Variants in AGBL1 observed in about 807,000 individuals in gnomAD.
AGBL1 encodes cytosolic carboxypeptidase 4.
Under a neutral mutation model 118.9 loss-of-function variants are expected in AGBL1, and 130 were observed. That is an observed-to-expected ratio of 1.09 (90% CI 0.95 to 1.26). The LOEUF is 1.26. AGBL1 is among the 50% of genes most tolerant of loss of function. The pLI is 0.00. For synonymous variants in AGBL1, 555 were observed against 478.9 expected, an observed-to-expected ratio of 1.16 and a Z score of -2.08; for missense variants, 1,584 against 1,298.1, an observed-to-expected ratio of 1.22 and a Z score of -3.38.
chr15:86,812,445 A>G (rs1484215395), intron 22 of AGBL1, among the ~76,000 whole-genome samples: 1 of 152,226 alleles, frequency 6.6e-6, no homozygotes, highest in Non-Finnish European at 1.5e-5. Flanking sequence ...AAATTCACCT[A>G]TGGAGTTCTT....
chr15:86,275,983 C>G (rs1187839001), intron 15 of AGBL1, among the ~76,000 whole-genome samples: 1 of 152,118 alleles, frequency 6.6e-6, no homozygotes, highest in Non-Finnish European at 1.5e-5. Flanking sequence ...GATAAAATAA[C>G]ATGAGATAAA....
At chr15:86,550,810 C>G (rs2083653958) in intron 20 of AGBL1, among the ~76,000 whole-genome samples, 1 of 151,848 alleles carries the variant, frequency 6.6e-6, no homozygotes, top group Non-Finnish European at 1.5e-5. Context: ...CAAAATTTCT[C>G]CAGCATAGAT....
intron 22 of AGBL1, among the ~76,000 whole-genome samples, chr15:86,750,085 G>C (rs1023645176): frequency 6.6e-6 from 1 of 152,034 alleles, no homozygotes; most frequent in Non-Finnish European, 1.5e-5. Context: ...AGAAGGAATG[G>C]TACCAGCTCC....
intron 6 of AGBL1, among the ~76,000 whole-genome samples, chr15:86,243,096 T>C (rs2078664884): frequency 6.6e-6 from 1 of 152,240 alleles, no homozygotes; most frequent in African/African-American, 2.4e-5. Flanking sequence ...GACAACACTG[T>C]GTGGCTAATA....
At chr15:86,958,844 G>A (rs933862958) in intron 23 of AGBL1, among the ~76,000 whole-genome samples, 3 of 152,114 alleles carry the variant, frequency 2.0e-5, no homozygotes, top group South Asian at 4.1e-4. Flanking sequence ...GACACTATGT[G>A]TCTGTTAAAA....
At chr15:86,404,314 T>A (rs1015077313) in intron 18 of AGBL1, among the ~76,000 whole-genome samples, 1 of 152,198 alleles carries the variant, frequency 6.6e-6, no homozygotes. Flanking sequence ...TAGAGAATGC[T>A]GTGTCCTTCC....
intron 1 of AGBL1, among the ~76,000 whole-genome samples, chr15:86,082,962 C>A (rs1266892868): frequency 1.3e-5 from 2 of 152,210 alleles, no homozygotes; most frequent in African/African-American, 2.4e-5. Context: ...CCTCTCTGAG[C>A]CTCCATTTAT....
intron 5 of AGBL1, among the ~76,000 whole-genome samples, chr15:86,184,072 G>A (rs1223479771): frequency 6.6e-6 from 1 of 152,148 alleles, no homozygotes; most frequent in South Asian, 2.1e-4. Context: ...GAGATAAAGT[G>A]TTATAATGTC....
intron 21 of AGBL1, among the ~76,000 whole-genome samples, chr15:86,566,520 A>G (rs139177031): frequency 1.7e-3 from 254 of 152,122 alleles, no homozygotes; most frequent in African/African-American, 5.7e-3. Context: ...TCAGTGAAAC[A>G]GCCAATTTTT....
intron 1 of AGBL1, among the ~76,000 whole-genome samples, chr15:86,102,904 T>C (rs1431354949): frequency 6.6e-6 from 1 of 152,016 alleles, no homozygotes; most frequent in Non-Finnish European, 1.5e-5. Context: ...TTTCTATTTT[T>C]CTATTGTCTT....
intron 17 of AGBL1, among the ~76,000 whole-genome samples, chr15:86,313,741 C>A (rs2079955651): frequency 6.6e-6 from 1 of 152,164 alleles, no homozygotes; most frequent in African/African-American, 2.4e-5. Flanking sequence ...GTTCATAGCA[C>A]CTGCTGCCAC....
At chr15:86,779,183 A>G (rs1486412131) in intron 22 of AGBL1, among the ~76,000 whole-genome samples, 1 of 152,174 alleles carries the variant, frequency 6.6e-6, no homozygotes, top group Non-Finnish European at 1.5e-5. Flanking sequence ...CCTCTTAAAA[A>G]TGTGATATGA....
intron 3 of AGBL1, among the ~76,000 whole-genome samples, chr15:86,151,182 G>C (rs1335570730): frequency 1.3e-5 from 2 of 151,982 alleles, no homozygotes; most frequent in Non-Finnish European, 2.9e-5. Flanking sequence ...GATAGCATTG[G>C]GAGATATACC....
At chr15:86,924,351 C>A (rs112535367) in intron 23 of AGBL1, among the ~76,000 whole-genome samples, 1 of 152,214 alleles carries the variant, frequency 6.6e-6, no homozygotes, top group Non-Finnish European at 1.5e-5. Context: ...GTAATCTTAG[C>A]AGAATGCTTT....
chr15:86,970,149 C>T (rs541606977), intron 23 of AGBL1, among the ~76,000 whole-genome samples: 24 of 151,940 alleles, frequency 1.6e-4, no homozygotes, highest in Non-Finnish European at 3.1e-4. Flanking sequence ...GAGCCCAGGC[C>T]AAGGCAGCAT....
intron 22 of AGBL1, among the ~76,000 whole-genome samples, chr15:86,685,032 A>C (rs2086029210): frequency 6.6e-6 from 1 of 152,214 alleles, no homozygotes; most frequent in African/African-American, 2.4e-5. Context: ...AAGCAATGAG[A>C]AAAAGATGGG....
intron 23 of AGBL1, among the ~76,000 whole-genome samples, chr15:86,965,522 T>G (rs2081041585): frequency 6.6e-6 from 1 of 152,114 alleles, no homozygotes; most frequent in East Asian, 1.9e-4. Flanking sequence ...TTATAGATTC[T>G]GGATATTAGC....
chr15:86,980,052 C>G (rs1215178843), intron 23 of AGBL1, among the ~76,000 whole-genome samples: 1 of 152,178 alleles, frequency 6.6e-6, no homozygotes, highest in African/African-American at 2.4e-5. Context: ...GGATTGAAAT[C>G]TAGGAAGGAG....
At chr15:86,407,767 C>T (rs1172011741) in intron 18 of AGBL1, among the ~76,000 whole-genome samples, 1 of 152,106 alleles carries the variant, frequency 6.6e-6, no homozygotes, top group Non-Finnish European at 1.5e-5. Flanking sequence ...CTCCAACAGG[C>T]TAAGGTTTAA....
Sources: allele counts gnomAD v4.1 joint callset (sites outside exome capture counted in the v4.1 genomes callset), GRCh38; gene constraint gnomAD v4.1.1; transcripts MANE v1.5; gene names NCBI Gene and HGNC (gene_info 2026-07-23, HGNC 2026-07-21).